Variants in RIF1 observed in about 807,000 individuals in gnomAD.
The protein encoded by RIF1 is telomere-associated protein RIF1.
A neutral mutation model predicts 247.1 loss-of-function variants in RIF1; 45 were observed. That is an observed-to-expected ratio of 0.18 (90% CI 0.14 to 0.23). The LOEUF is 0.23. Ranked by LOEUF, RIF1 falls within the 10% of genes least tolerant of loss-of-function variation. The probability of loss-of-function intolerance (pLI) is 1.00; values close to 1 mark genes in which losing one functional copy is unlikely to be tolerated. For missense variants in RIF1, 2,967 were observed against 2,862.5 expected (o/e 1.04, Z -0.83); for synonymous variants, 1,087 against 978.8 (o/e 1.11, Z -2.06).
At chr2:151,527,476 C>G in the RIF1 span, 1 of 1,608,122 alleles carries the variant, frequency 6.2e-7, no homozygotes, top group East Asian at 2.2e-5. Context: ...TCTCTCCTGT[C>G]TTACATCGCT....
Position 151,416,579 on chromosome 2 carries a change from T to G in RIF1, c.299T>G (p.Leu100Trp), listed in dbSNP as rs1302105043. ...TTTTCAGAGGCAAATGCTCTAGAAT[T>G]GCTTTCAAAATTGAATGATACCATT... ...SELSEANALELLSKLNDTIKN... is the reference protein window; with the variant it reads ...SELSEANALEWLSKLNDTIKN... The change falls in exon 5 of 36, where the codon TTG (leucine) becomes TGG (tryptophan). Residue 100 changes from leucine (L) to tryptophan (W), a missense_variant. By Grantham distance (61) the Leu-to-Trp change is moderately conservative. Around this residue, in one of 7 missense-constraint regions of RIF1, gnomAD observed 269 missense variants for 288.6 expected, o/e 0.93. Coordinates refer to ENST00000444746, the MANE Select transcript of RIF1 (RefSeq NM_018151.5). The G allele has an allele frequency of 1.7e-5, 27 of 1,601,568 alleles. No homozygotes were observed. In the Admixed American group the frequency reaches 4.9e-4, roughly 29 times the overall value.
intron 22 of RIF1, 92 bp from the exon 23 acceptor site, chr2:151,456,486 G>T: frequency 1.4e-6 from 1 of 695,188 alleles, no homozygotes. Flanking sequence ...TATTTATTAT[G>T]TCTTTATTAC....
At chr2:151,487,016 ACTT>A (rs2051111133), downstream of RIF1, among the ~76,000 whole-genome samples, 1 of 152,138 alleles carries the variant, frequency 6.6e-6, no homozygotes, top group South Asian at 2.1e-4. Context: ...CACTTTATGA[ACTT>A]CATACTAAGT....
In RIF1 at chr2:151,498,472, A is replaced by G. The variant is rs576311412; in HGVS notation, c.*514-873A>G. ...AGTAAGTTAGAGGAAGAGAAATACCAGAAGCTTTTAGACTCAACCTGTTTG... is the reference window on the plus strand; with the variant it reads ...AGTAAGTTAGAGGAAGAGAAATACCGGAAGCTTTTAGACTCAACCTGTTTG... On this transcript the variant is annotated intron_variant and NMD_transcript_variant, in intron 10 of 13. Coordinates refer to the RIF1 transcript ENST00000454583. 9.0e-6 allele frequency: 6 copies of G among 668,460 alleles called. No homozygotes were observed. In the African/African-American group the frequency reaches 1.1e-4, roughly 12 times the overall value. The allele number at this position is 668,460 out of a possible 1,614,324, so 41.4% of individuals were successfully genotyped here.
intron 8 of RIF1, among the ~76,000 whole-genome samples, chr2:151,426,356 A>G (rs1346998718): frequency 6.6e-6 from 1 of 150,780 alleles, no homozygotes; most frequent in African/African-American, 2.4e-5. Context: ...TTGTATTTTT[A>G]GTAGAGACAG....
At chr2:151,516,452 G>A in the RIF1 span, 27 of 1,592,228 alleles carry the variant, frequency 1.7e-5, no homozygotes, top group Non-Finnish European at 2.2e-5. Context: ...TGGTTTTTTT[G>A]ACTTACCCCA....
intron 13 of RIF1, among the ~76,000 whole-genome samples, chr2:151,507,571 G>C (rs1027013141): frequency 2.0e-5 from 3 of 152,102 alleles, no homozygotes; most frequent in Non-Finnish European, 4.4e-5. Flanking sequence ...TAAATCCCCT[G>C]TTTATTACCA....
chr2:151,436,678 C>G, intron 11 of RIF1, 149 bp from the exon 12 acceptor site: 1 of 550,976 alleles, frequency 1.8e-6, no homozygotes, highest in Non-Finnish European at 3.1e-6. Context: ...TTACAGAATA[C>G]CTGCATATTA....
At chr2:151,454,052 A>G (rs1291292559) in intron 21 of RIF1, among the ~76,000 whole-genome samples, 3 of 152,190 alleles carry the variant, frequency 2.0e-5, no homozygotes, top group Admixed American at 2.0e-4. Flanking sequence ...GAATTTCTGG[A>G]TATAGTTTTT....
chr2:151,454,924 A>C lies in RIF1; in HGVS notation c.2374A>C (p.Lys792Gln), dbSNP rs768896455. Residue 792 changes from lysine to glutamine, a missense_variant, in exon 22 of 36, where the codon AAG becomes CAG. Transcript: ENST00000444746. ...SPQRPSDWSK[K>Q]KNEPLGKLTS... The stretch of plus-strand genomic sequence containing the variant: ...ACAGAGACCTTCAGATTGGTCCAAA[A>C]AGAAGAATGAGCCCCTAGGGAAATT... 4 of 1,610,290 alleles carry C rather than the reference A, an allele frequency of 2.5e-6. No individual in the cohort carries two copies. Among genetic ancestry groups the C allele is most frequent in the Non-Finnish European group, 3.4e-6 (4 of 1,177,994 alleles).
At position 151,468,624 on chromosome 2, in the gene RIF1, C is replaced by G. The variant is rs778377388; in HGVS notation, c.6826-17C>G. On this transcript the variant is annotated splice_polypyrimidine_tract_variant and intron_variant, in intron 32 of 35. Transcript: ENST00000444746. ...TCAGTTGACCTCTGTGTAACAGCTT[C>G]TGAAATTTATTCTAAGATTTCAGAA... 2.5e-6 allele frequency: 4 copies of G among 1,610,734 alleles called. No individual in the cohort carries two copies. In the Admixed American group the frequency reaches 5.0e-5, roughly 20 times the overall value.
chr2:151,493,798 GTT>G (rs1559158926), intron 9 of RIF1: 2 of 1,583,252 alleles, frequency 1.3e-6, no homozygotes, highest in Non-Finnish European at 1.7e-6. Flanking sequence ...TCTTGATTGC[GTT>G]TCACTCTTTC....
At chr2:151,515,405 G>T in the RIF1 span, among the ~76,000 whole-genome samples, 2 of 152,080 alleles carry the variant, frequency 1.3e-5, no homozygotes, top group African/African-American at 4.8e-5. Context: ...TTAATATGGG[G>T]TCTTGCTATG....
the RIF1 span, chr2:151,526,767 G>T: frequency 1.6e-6 from 1 of 624,942 alleles, no homozygotes; most frequent in Non-Finnish European, 2.8e-6. Context: ...GACTGCTGGC[G>T]CCCCTCACAG....
chr2:151,507,960 C>T (rs1159063491), exon 14 of RIF1: 1 of 1,409,884 alleles, frequency 7.1e-7, no homozygotes, highest in East Asian at 2.4e-5. Flanking sequence ...TCCTCAGCAC[C>T]CCTAGGTGCC....
rs573662182 is a variant in RIF1 at position 151,455,474 on chromosome 2, CAATT to C, written c.2609+321_2609+324del. Among the ~76,000 whole-genome samples, 469 of 152,208 alleles carry C rather than the reference CAATT, an allele frequency of 3.1e-3. 3 individuals are homozygous for C. Among genetic ancestry groups the C allele is most frequent in the African/African-American group, 0.01 (421 of 41,544 alleles). ...AAAGCTTACTTGGCATGCTGTTTTG[CAATT>C]AATTATATGGTATGCACTTAATACA... On this transcript the variant is annotated intron_variant, in intron 22 of 35. Transcript: ENST00000444746.
chr2:151,436,234 CAAAAT>C (rs990736181), intron 11 of RIF1, among the ~76,000 whole-genome samples: 2 of 151,018 alleles, frequency 1.3e-5, no homozygotes, highest in African/African-American at 4.9e-5. Flanking sequence ...TCAAAAAAAA[CAAAAT>C]AAAACAAAAA....
intron 26 of RIF1, among the ~76,000 whole-genome samples, chr2:151,460,724 A>G (rs548900167): frequency 3.3e-5 from 5 of 152,358 alleles, no homozygotes; most frequent in African/African-American, 7.2e-5. Context: ...AATGGTTCCA[A>G]TGAACATTTA....
At chr2:151,527,647 CAT>C in the RIF1 span, 7 of 1,216,052 alleles carry the variant, frequency 5.8e-6, no homozygotes, top group East Asian at 1.7e-4. Flanking sequence ...TAAACACACA[CAT>C]GGCACAGAGG....
Sources: allele counts gnomAD v4.1 joint callset (sites outside exome capture counted in the v4.1 genomes callset), GRCh38; gene constraint gnomAD v4.1.1; regional missense constraint gnomAD v4.1.1; transcripts MANE v1.5; gene names NCBI Gene and HGNC (gene_info 2026-07-23, HGNC 2026-07-21).